DISC1: variants seen among roughly 807,000 people sequenced by gnomAD.
DISC1 encodes disrupted in schizophrenia 1 protein.
DISC1 carries 57 observed loss-of-function variants against 84.5 expected under a neutral mutation model. That is an observed-to-expected ratio of 0.67 (90% CI 0.55 to 0.84). The LOEUF (loss-of-function observed/expected upper bound fraction) is 0.84. DISC1 is among the 40% of genes least tolerant of loss of function. The probability of loss-of-function intolerance (pLI) is 0.00; values close to 1 mark genes in which losing one functional copy is unlikely to be tolerated. For synonymous variants in DISC1, 411 were observed against 415.2 expected, an observed-to-expected ratio of 0.99 and a Z score of 0.12; for missense variants, 1,000 against 1,057.8, an observed-to-expected ratio of 0.95 and a Z score of 0.76.
At chr1:231,921,546 A>G (rs2090011947) in intron 9 of DISC1, among the ~76,000 whole-genome samples, 1 of 77,910 alleles carries the variant, frequency 1.3e-5, no homozygotes, top group African/African-American at 6.3e-5. Flanking sequence ...TTATGAATAT[A>G]TTTATAATAT....
In DISC1 at chr1:231,702,298, C is replaced by T. The variant is rs56746146; in HGVS notation, c.1117+274C>T. On this transcript the variant is annotated intron_variant, in intron 3 of 12. Coordinates refer to ENST00000439617, the MANE Select transcript of DISC1 (RefSeq NM_018662.3). Reference sequence around the variant, plus strand: ...CAATAAAAATTATATTAGCTTGCCACCTGTCTGCCCATGGTGTGATGTATC... The same window carrying T: ...CAATAAAAATTATATTAGCTTGCCATCTGTCTGCCCATGGTGTGATGTATC... The T allele has an allele frequency of 4.7e-3, 5,335 of 1,146,692 alleles. 206 individuals are homozygous for T. The African/African-American group carries it at 0.08, about 17-fold the overall frequency. The allele number at this position is 1,146,692 out of a possible 1,614,324, so 71.0% of individuals were successfully genotyped here.
At chr1:231,823,486 CCTT>C (rs2081643393) in intron 9 of DISC1, among the ~76,000 whole-genome samples, 2 of 152,180 alleles carry the variant, frequency 1.3e-5, no homozygotes, top group Admixed American at 1.3e-4. Context: ...GAAGCATCAT[CCTT>C]CTTCCTCAAA....
chr1:231,951,041 A>G (rs973285203), intron 9 of DISC1, among the ~76,000 whole-genome samples: 104 of 152,204 alleles, frequency 6.8e-4, no homozygotes, highest in African/African-American at 2.3e-3. Flanking sequence ...AGGCATCAAC[A>G]TAGTTCAGAA....
intron 1 of DISC1, among the ~76,000 whole-genome samples, chr1:231,634,169 C>A (rs1167800848): frequency 6.6e-6 from 1 of 152,122 alleles, no homozygotes; most frequent in Non-Finnish European, 1.5e-5. Context: ...CAGGAGTGAG[C>A]CACCGCGCCT....
chr1:231,628,455 T>G (rs2058443716), intron 1 of DISC1, among the ~76,000 whole-genome samples: 1 of 152,246 alleles, frequency 6.6e-6, no homozygotes, highest in Non-Finnish European at 1.5e-5. Context: ...TGGTAACATC[T>G]GCAGGTTTTT....
chr1:232,031,256 G>A lies in DISC1; in HGVS notation c.2425+4704G>A, dbSNP rs1670006106. ...GAGAAAGAGAGGAAGGAAGGAAGGA[G>A]AAAGAAAGATAAAGAAAGAAAAAGA... On this transcript the variant is annotated intron_variant, in intron 12 of 12. Transcript: ENST00000439617. The surrounding 1 kb of genome is among the most constrained non-coding windows in gnomAD (Gnocchi z 4.6). 6.9e-6 allele frequency among the ~76,000 whole-genome samples: 1 copy of A among 144,564 alleles called. No individual in the cohort carries two copies. The highest frequency in any genetic ancestry group is 1.5e-5 in the Non-Finnish European group (1 of 66,330). 94.8% of individuals were successfully genotyped at this position (144,564 alleles called of 152,430 possible). A position where few individuals can be genotyped will look rare whatever the true frequency, so the allele number is the denominator to read the frequency against.
At chr1:231,646,171 A>C (rs1347902703) in intron 1 of DISC1, among the ~76,000 whole-genome samples, 1 of 151,542 alleles carries the variant, frequency 6.6e-6, no homozygotes, top group Non-Finnish European at 1.5e-5. Context: ...ATGCCACAAC[A>C]GTCCCTGGTG....
At chr1:231,921,667 C>T (rs927358012) in intron 9 of DISC1, among the ~76,000 whole-genome samples, 2 of 152,144 alleles carry the variant, frequency 1.3e-5, no homozygotes, top group African/African-American at 2.4e-5. Flanking sequence ...CTGCTCCTCT[C>T]CCCAGCTTTA....
At chr1:231,797,918 G>T (rs11802094) in intron 7 of DISC1, among the ~76,000 whole-genome samples, 2,732 of 152,024 alleles carry the variant, frequency 0.018, 30 homozygotes, top group Middle Eastern at 0.034. Flanking sequence ...AGGTGGATAG[G>T]TGTGTGTGCA....
intron 1 of DISC1, among the ~76,000 whole-genome samples, chr1:231,642,144 C>T (rs900777755): frequency 6.6e-6 from 1 of 152,180 alleles, no homozygotes; most frequent in Non-Finnish European, 1.5e-5. Flanking sequence ...CAGCTGCTGG[C>T]CCAGGTGCTA....
chr1:231,955,898 ACTAGTTTAAGTCC>A (rs1659417609), intron 9 of DISC1, among the ~76,000 whole-genome samples: 1 of 152,204 alleles, frequency 6.6e-6, no homozygotes, highest in Admixed American at 6.5e-5. Flanking sequence ...CTGCTAATGC[ACTAGTTTAAGTCC>A]CTATTGGGAC....
At chr1:231,972,869 C>A (rs955730720) in intron 10 of DISC1, among the ~76,000 whole-genome samples, 11 of 152,158 alleles carry the variant, frequency 7.2e-5, no homozygotes, top group Non-Finnish European at 1.3e-4. Context: ...TAAGCTGTTA[C>A]TGAGAGTGGT....
At chr1:232,032,075 A>G (rs1670102416) in intron 12 of DISC1, among the ~76,000 whole-genome samples, 1 of 152,202 alleles carries the variant, frequency 6.6e-6, no homozygotes, top group African/African-American at 2.4e-5. Flanking sequence ...GGAGCATACC[A>G]AATCCAAAAA....
intron 3 of DISC1, among the ~76,000 whole-genome samples, chr1:231,744,060 A>G (rs770141158): frequency 1.5e-4 from 23 of 152,204 alleles, no homozygotes; most frequent in Admixed American, 3.3e-4. Context: ...AATGTGTTTT[A>G]ATTTAGACTT....
At chr1:231,774,996 A>G (rs944807843) in intron 6 of DISC1, among the ~76,000 whole-genome samples, 1 of 152,222 alleles carries the variant, frequency 6.6e-6, no homozygotes, top group African/African-American at 2.4e-5. Context: ...TTCATTGTTC[A>G]TGAGAATAGG....
Position 231,694,716 on chromosome 1 carries a change from T to C in DISC1, c.958T>C (p.Ser320Pro). 6.2e-7 allele frequency: 1 copy of C among 1,614,120 alleles called. No homozygotes were observed. The highest frequency in any genetic ancestry group is 8.5e-7 in the Non-Finnish European group (1 of 1,180,024). ...AGCGGDGSSGSGDAHSWDTLL... is the reference protein window; with the variant it reads ...AGCGGDGSSGPGDAHSWDTLL... Reference sequence around the variant, plus strand: ...CTGTGGTGGTGATGGGAGCAGCGGCTCAGGGGATGCCCACTCTTGGGACAC... The same window carrying C: ...CTGTGGTGGTGATGGGAGCAGCGGCCCAGGGGATGCCCACTCTTGGGACAC... The change falls in exon 2 of 13, where the codon TCA (serine) becomes CCA (proline). Residue 320 changes from serine (S) to proline (P), a missense_variant. Coordinates refer to ENST00000439617, the MANE Select transcript of DISC1 (RefSeq NM_018662.3).
intron 10 of DISC1, among the ~76,000 whole-genome samples, chr1:232,007,869 G>A (rs1667648133): frequency 6.6e-6 from 1 of 152,224 alleles, no homozygotes; most frequent in South Asian, 2.1e-4. Context: ...GAGACCAGGT[G>A]TAGGTAATTG....
chr1:232,031,109 AGAAG>A lies in DISC1; in HGVS notation c.2425+4560_2425+4563del, dbSNP rs1346171568. Among the ~76,000 whole-genome samples the A allele has an allele frequency of 6.6e-6, 1 of 151,082 alleles. No individual in the cohort carries two copies. Among genetic ancestry groups the A allele is most frequent in the Non-Finnish European group, 1.5e-5 (1 of 67,784 alleles). On this transcript the variant is annotated intron_variant, in intron 12 of 12. Transcript: ENST00000439617. The surrounding 1 kb of genome is among the most constrained non-coding windows in gnomAD (Gnocchi z 4.6). ...GGGCAACAAAGTAAGACACTGCCAA[AGAAG>A]GAGGGAGGGAAGGAAGGAAGGAAGG...
At chr1:231,888,626 C>G (rs949404906) in intron 9 of DISC1, among the ~76,000 whole-genome samples, 8 of 151,188 alleles carry the variant, frequency 5.3e-5, no homozygotes, top group Non-Finnish European at 8.8e-5. Flanking sequence ...GTAGTCCCAG[C>G]TACTCGGTGG....
Sources: allele counts gnomAD v4.1 joint callset (sites outside exome capture counted in the v4.1 genomes callset), GRCh38; gene constraint gnomAD v4.1.1; non-coding constraint Gnocchi (gnomAD v3.1); transcripts MANE v1.5; gene names NCBI Gene and HGNC (gene_info 2026-07-23, HGNC 2026-07-21).